SAMSN1: variants seen among roughly 807,000 people sequenced by gnomAD.
The protein encoded by SAMSN1 is SAM domain, SH3 domain and nuclear localization signals 1.
Under a neutral mutation model 42.0 loss-of-function variants are expected in SAMSN1, and 31 were observed. The ratio of observed to expected loss-of-function variants is 0.74; its 90% confidence interval spans 0.55 to 1.00. The LOEUF (loss-of-function observed/expected upper bound fraction) is 1.00. Among genes scored for constraint, SAMSN1 ranks in the 50% least tolerant of loss-of-function variants. SAMSN1 has a pLI of 0.00. For synonymous variants in SAMSN1, 178 were observed against 151.9 expected (o/e 1.17, Z -1.26); for missense variants, 464 against 439.4 (o/e 1.06, Z -0.50).
intron 1 of SAMSN1, among the ~76,000 whole-genome samples, chr21:14,648,314 C>T (rs1220470301): frequency 1.3e-5 from 2 of 152,054 alleles, no homozygotes; most frequent in African/African-American, 2.4e-5. Flanking sequence ...ACCATAAAAA[C>T]CCTAGAAGAA....
At chr21:14,583,370 A>T (rs144975197) in exon 1 of SAMSN1, 129 of 299,536 alleles carry the variant, frequency 4.3e-4, no homozygotes, top group South Asian at 6.5e-4. Flanking sequence ...TCTATGGCCA[A>T]GGAATGGCGA....
At chr21:14,635,935 T>C (rs554294821) in intron 2 of SAMSN1, among the ~76,000 whole-genome samples, 2 of 152,196 alleles carry the variant, frequency 1.3e-5, no homozygotes, top group Admixed American at 6.5e-5. Flanking sequence ...ACATTTGGTA[T>C]TTCTCCTAAT....
intron 4 of SAMSN1, chr21:14,609,714 A>G (rs1397277821): frequency 3.3e-6 from 2 of 599,766 alleles, no homozygotes; most frequent in East Asian, 5.7e-5. Flanking sequence ...TAGGTGATGC[A>G]GGAAGTCAGG....
chr21:14,567,704 G>T (rs983724254), intron 2 of SAMSN1, among the ~76,000 whole-genome samples: 1 of 151,820 alleles, frequency 6.6e-6, no homozygotes, highest in Non-Finnish European at 1.5e-5. Flanking sequence ...TGTGTTCTTA[G>T]TGTGAGGTCC....
At chr21:14,558,624 T>C (rs1720553872) in intron 2 of SAMSN1, among the ~76,000 whole-genome samples, 1 of 152,144 alleles carries the variant, frequency 6.6e-6, no homozygotes, top group African/African-American at 2.4e-5. Flanking sequence ...GAGGTTGCAG[T>C]GAGCCGACAT....
intron 2 of SAMSN1, among the ~76,000 whole-genome samples, chr21:14,518,752 T>C (rs964014297): frequency 6.6e-6 from 1 of 152,224 alleles, no homozygotes; most frequent in African/African-American, 2.4e-5. Context: ...CATTGCACTT[T>C]ATTAATTTCT....
chr21:14,583,908 C>A (rs1436323347), upstream of SAMSN1: 1 of 557,938 alleles, frequency 1.8e-6, no homozygotes, highest in Non-Finnish European at 3.2e-6. Flanking sequence ...TCAATTTAAG[C>A]ACTAACTTGA....
At chr21:14,509,531 A>G (rs1987580395) in intron 5 of SAMSN1, among the ~76,000 whole-genome samples, 1 of 152,128 alleles carries the variant, frequency 6.6e-6, no homozygotes. Flanking sequence ...TTCCCCAATA[A>G]CCTATGGAAA....
chr21:14,649,579 G>T (rs1487551714), intron 1 of SAMSN1, among the ~76,000 whole-genome samples: 4 of 152,074 alleles, frequency 2.6e-5, no homozygotes, highest in Non-Finnish European at 4.4e-5. Context: ...AGACCAGTCT[G>T]AAAAACCTGG....
At chr21:14,587,255 C>T (rs1263380759), upstream of SAMSN1, among the ~76,000 whole-genome samples, 2 of 152,100 alleles carry the variant, frequency 1.3e-5, no homozygotes, top group East Asian at 1.9e-4. Context: ...ACTATGTATG[C>T]TTCCTTTAAT....
intron 1 of SAMSN1, among the ~76,000 whole-genome samples, chr21:14,521,570 CA>C (rs1324084892): frequency 2.0e-5 from 3 of 152,130 alleles, no homozygotes; most frequent in African/African-American, 7.2e-5. Context: ...GAGCTAACCA[CA>C]AACTTAACAG....
At chr21:14,557,385 T>A (rs1980795239) in intron 2 of SAMSN1, among the ~76,000 whole-genome samples, 1 of 152,158 alleles carries the variant, frequency 6.6e-6, no homozygotes, top group Non-Finnish European at 1.5e-5. Flanking sequence ...ACTAATTTCA[T>A]CCTCTCTCCT....
At chr21:14,494,672 G>C (rs1376383396) in intron 7 of SAMSN1, among the ~76,000 whole-genome samples, 1 of 149,170 alleles carries the variant, frequency 6.7e-6, no homozygotes, top group Non-Finnish European at 1.5e-5. Flanking sequence ...AAACCTCCAT[G>C]TTCTGCACGT....
At chr21:14,492,484 GC>G (rs1180612740) in intron 7 of SAMSN1, among the ~76,000 whole-genome samples, 1 of 152,140 alleles carries the variant, frequency 6.6e-6, no homozygotes, top group Non-Finnish European at 1.5e-5. Context: ...AGGACTAGGG[GC>G]TTTGGGAAAG....
intron 2 of SAMSN1, among the ~76,000 whole-genome samples, chr21:14,634,611 T>A (rs573136859): frequency 6.6e-6 from 1 of 151,984 alleles, no homozygotes; most frequent in Non-Finnish European, 1.5e-5. Context: ...AAAACCACAA[T>A]GAGATACCAT....
At position 14,498,601 on chromosome 21, in the gene SAMSN1, C is replaced by CA. The variant is rs1987007089; in HGVS notation, c.769-10dup. On this transcript the variant is annotated splice_polypyrimidine_tract_variant and intron_variant, in intron 6 of 7. Coordinates refer to ENST00000400566, the MANE Select transcript of SAMSN1 (RefSeq NM_022136.5). ...AGTGTTGAGGTGTATTCCTGTAAGA[C>CA]AAAAAATATAAAGCAAATTAGTCAG... 4 of 1,546,172 alleles carry CA rather than the reference C, an allele frequency of 2.6e-6. No homozygotes were observed. The highest frequency in any genetic ancestry group is 1.2e-5 in the South Asian group (1 of 80,284).
intron 6 of SAMSN1, chr21:14,594,092 A>G: frequency 4.3e-6 from 3 of 695,630 alleles, no homozygotes; most frequent in Non-Finnish European, 8.0e-6. Flanking sequence ...AGAAATTAGA[A>G]AAGGAAATAG....
chr21:14,586,286 A>AAAAAAAAAG (rs1568820565), upstream of SAMSN1, among the ~76,000 whole-genome samples: 6 of 147,348 alleles, frequency 4.1e-5, no homozygotes, highest in African/African-American at 1.5e-4. Context: ...AAAGAAAAAG[A>AAAAAAAAAG]AAAAAAAAGA....
chr21:14,545,549 A>T (rs866123362), intron 1 of SAMSN1, among the ~76,000 whole-genome samples: 1 of 79,534 alleles, frequency 1.3e-5, no homozygotes, highest in South Asian at 4.7e-4. Flanking sequence ...TTTTTTTTTA[A>T]AAGTAGCACT....
Sources: gnomAD v4.1 joint callset for allele counts (sites outside exome capture counted in the v4.1 genomes callset) on GRCh38, gnomAD v4.1.1 for gene constraint, MANE v1.5 for transcripts, NCBI Gene and HGNC (gene_info 2026-07-23, HGNC 2026-07-21) for gene names.